The following NRXN3 variants were observed in gnomAD, a reference collection of about 807,000 sequenced individuals.
NRXN3 encodes the protein neurexin III.
In NRXN3, 32 loss-of-function variants were observed where a neutral mutation model predicts 137.6. That is an observed-to-expected ratio of 0.23 (90% confidence interval 0.18 to 0.31). The LOEUF (loss-of-function observed/expected upper bound fraction) is 0.31, where lower values mean the gene tolerates loss of function less well. NRXN3 is among the 10% of genes least tolerant of loss of function. The pLI is 1.00. For synonymous variants in NRXN3, 798 were observed against 784.5 expected, an observed-to-expected ratio of 1.02 and a Z score of -0.29; for missense variants, 1,574 against 2,062.5, an observed-to-expected ratio of 0.76 and a Z score of 4.59.
chr14:79,428,204 A>G (rs1040243450), intron 15 of NRXN3, among the ~76,000 whole-genome samples: 11 of 152,168 alleles, frequency 7.2e-5, no homozygotes, highest in Non-Finnish European at 1.3e-4. Flanking sequence ...CAAATAGCCC[A>G]TTTGTTGAAC....
intron 16 of NRXN3, among the ~76,000 whole-genome samples, chr14:79,483,566 A>T (rs139817172): frequency 9.1e-4 from 139 of 152,296 alleles, no homozygotes; most frequent in African/African-American, 3.2e-3. Flanking sequence ...TTTCTCTTTG[A>T]GGCATGCAGT....
intron 15 of NRXN3, among the ~76,000 whole-genome samples, chr14:79,380,531 C>T (rs571981916): frequency 1.9e-4 from 29 of 152,210 alleles, no homozygotes; most frequent in South Asian, 1.7e-3. Context: ...ATGAACTCAT[C>T]CTTTTTTATG....
intron 2 of NRXN3, among the ~76,000 whole-genome samples, chr14:78,254,474 A>G (rs1034668666): frequency 3.3e-5 from 5 of 152,054 alleles, no homozygotes; most frequent in Non-Finnish European, 7.4e-5. Flanking sequence ...AGGTCAGGAC[A>G]TCGAAATCAT....
At chr14:79,532,728 C>T (rs1180806233) in intron 16 of NRXN3, among the ~76,000 whole-genome samples, 4 of 152,212 alleles carry the variant, frequency 2.6e-5, no homozygotes, top group Non-Finnish European at 5.9e-5. Context: ...TTTCTCCACT[C>T]TCCTCCAAGT....
chr14:78,744,427 C>T (rs961048533), intron 8 of NRXN3: 9 of 152,102 alleles, frequency 5.9e-5, no homozygotes, highest in African/African-American at 1.7e-4. Context: ...TGTCTCCCGG[C>T]CTGATATCCT....
At chr14:78,734,759 A>G (rs1395686543) in intron 8 of NRXN3, among the ~76,000 whole-genome samples, 1 of 152,202 alleles carries the variant, frequency 6.6e-6, no homozygotes, top group African/African-American at 2.4e-5. Context: ...ACAAAGCCCA[A>G]TAGGTAAAAA....
In NRXN3 at chr14:79,861,511, G is replaced by T. The variant is rs999640328; in HGVS notation, c.4263G>T (p.Val1421=). The T allele has an allele frequency of 3.9e-6, 6 of 1,541,076 alleles. No homozygotes were observed. Among genetic ancestry groups the T allele is most frequent in the Non-Finnish European group, 4.4e-6 (5 of 1,147,592 alleles). The change falls in exon 21 of 21, where the codon GTG becomes GTT. Residue 1421 remains valine (V), a synonymous_variant. Coordinates refer to ENST00000335750, the MANE Select transcript of NRXN3 (RefSeq NM_001330195.2). The surrounding 1 kb of genome is among the most constrained non-coding windows in gnomAD (Gnocchi z 5.4). ...CAGCTTCCTCCTCGTCTGGGATGGT[G>T]CCCAAATTGCCAGCTGGCAAAATGA... ...RFTASSSSGM[V]PKLPAGKMNN...
chr14:79,571,408 C>A (rs546597919), intron 16 of NRXN3, among the ~76,000 whole-genome samples: 2 of 152,242 alleles, frequency 1.3e-5, no homozygotes, highest in East Asian at 1.9e-4. Context: ...GAAAGTATAG[C>A]AAGACAAGGT....
intron 4 of NRXN3, among the ~76,000 whole-genome samples, chr14:78,325,040 G>A (rs2079880778): frequency 6.6e-6 from 1 of 152,044 alleles, no homozygotes; most frequent in Admixed American, 6.5e-5. Context: ...AGGACAGGAG[G>A]CCGAGGCAGG....
At chr14:78,250,866 C>T (rs149906733) in intron 2 of NRXN3, among the ~76,000 whole-genome samples, 3 of 152,088 alleles carry the variant, frequency 2.0e-5, no homozygotes, top group Non-Finnish European at 2.9e-5. Flanking sequence ...TCCCTGGATG[C>T]GGATGATAAG....
intron 1 of NRXN3, among the ~76,000 whole-genome samples, chr14:78,179,645 G>A (rs568860767): frequency 1.3e-5 from 2 of 152,164 alleles, no homozygotes; most frequent in South Asian, 4.2e-4. Flanking sequence ...CCTTCAGGAG[G>A]CACCTTTCCT....
intron 15 of NRXN3, among the ~76,000 whole-genome samples, chr14:79,302,831 A>G (rs1371319394): frequency 6.6e-6 from 1 of 151,918 alleles, no homozygotes; most frequent in African/African-American, 2.4e-5. Flanking sequence ...CTGTGAGTCA[A>G]TTATACCTCA....
rs116553820 is a variant in NRXN3 at position 79,631,376 on chromosome 14, C to T, written c.3445-32402C>T. Among the ~76,000 whole-genome samples the T allele has an allele frequency of 1.5e-3, 229 of 152,388 alleles. 1 individual carries two copies. Among genetic ancestry groups the T allele is most frequent in the African/African-American group, 5.2e-3 (216 of 41,596 alleles). ...CTCTGGCTGCGCTGGAAGAGCCCTT[C>T]AGTCCGCCGCGGCGCTGTGGGGGCC... On this transcript the variant is annotated intron_variant, in intron 16 of 20. Transcript: ENST00000335750.
intron 4 of NRXN3, among the ~76,000 whole-genome samples, chr14:78,525,312 G>T (rs2096361424): frequency 6.6e-6 from 1 of 152,202 alleles, no homozygotes; most frequent in Non-Finnish European, 1.5e-5. Flanking sequence ...GGGGACTGTT[G>T]TGCTGAATCA....
chr14:79,711,350 A>G (rs2098803412), intron 19 of NRXN3, among the ~76,000 whole-genome samples: 1 of 152,190 alleles, frequency 6.6e-6, no homozygotes, highest in Non-Finnish European at 1.5e-5. Flanking sequence ...CCAGGGGCAA[A>G]TTGCTCAACC....
intron 8 of NRXN3, among the ~76,000 whole-genome samples, chr14:78,795,145 A>G (rs1054749406): frequency 6.6e-6 from 1 of 152,174 alleles, no homozygotes; most frequent in Admixed American, 6.5e-5. Flanking sequence ...TTGAAAAGGG[A>G]GGAGGATAAT....
chr14:79,844,583 A>G (rs2099363091), intron 20 of NRXN3, among the ~76,000 whole-genome samples: 1 of 152,008 alleles, frequency 6.6e-6, no homozygotes, highest in Non-Finnish European at 1.5e-5. Context: ...GTGCACTGTC[A>G]ATGAACAGTA....
intron 16 of NRXN3, among the ~76,000 whole-genome samples, chr14:79,630,460 G>A (rs1397128672): frequency 6.6e-6 from 1 of 152,164 alleles, no homozygotes; most frequent in Non-Finnish European, 1.5e-5. Flanking sequence ...AATCTTAACT[G>A]TTCTTGTCAC....
At chr14:79,008,290 A>G (rs983817408) in intron 15 of NRXN3, among the ~76,000 whole-genome samples, 2 of 151,996 alleles carry the variant, frequency 1.3e-5, no homozygotes, top group African/African-American at 4.8e-5. Flanking sequence ...AGCAAACATA[A>G]AGGACAGAAA....
Sources: allele counts gnomAD v4.1 joint callset (sites outside exome capture counted in the v4.1 genomes callset), GRCh38; gene constraint gnomAD v4.1.1; non-coding constraint Gnocchi (gnomAD v3.1); transcripts MANE v1.5; gene names NCBI Gene and HGNC (gene_info 2026-07-23, HGNC 2026-07-21).